The following THRB variants were observed in gnomAD, a reference collection of about 807,000 sequenced individuals.
THRB encodes the protein thyroid hormone receptor beta.
Under a neutral mutation model 47.8 loss-of-function variants are expected in THRB, and 12 were observed. The observed-to-expected ratio is 0.25, with a 90% confidence interval of 0.16 to 0.41. THRB has a LOEUF of 0.41. Ranked by LOEUF, THRB falls within the 10% of genes least tolerant of loss-of-function variation. The pLI is 1.00. For synonymous variants in THRB, 218 were observed against 212.2 expected (o/e 1.03, Z -0.24); for missense variants, 348 against 589.2 (o/e 0.59, Z 4.24).
chr3:24,472,429 G>A (rs549176794), intron 1 of THRB, among the ~76,000 whole-genome samples: 5 of 152,180 alleles, frequency 3.3e-5, no homozygotes, highest in African/African-American at 1.2e-4. Flanking sequence ...CCCCTAAGGC[G>A]TGAAGACTCA....
intron 1 of THRB, among the ~76,000 whole-genome samples, chr3:24,484,667 T>G (rs1428267315): frequency 6.6e-6 from 1 of 152,156 alleles, no homozygotes; most frequent in Non-Finnish European, 1.5e-5. Flanking sequence ...AAACAAAATT[T>G]TATTGGCACA....
intron 8 of THRB, among the ~76,000 whole-genome samples, chr3:24,141,541 A>G (rs1225719460): frequency 6.6e-6 from 1 of 152,152 alleles, no homozygotes; most frequent in Non-Finnish European, 1.5e-5. Flanking sequence ...ATCTCTTATT[A>G]TCTGCCTCCC....
rs1234093295 is a variant in THRB, at chr3:24,279,536, C to T, written c.-43+17690G>A. On this transcript the variant is annotated intron_variant, in intron 3 of 10. Coordinates refer to ENST00000646209, the MANE Select transcript of THRB (RefSeq NM_001354712.2). The stretch of plus-strand genomic sequence containing the variant: ...AGTAGCTGGGACTACAGGCGCCCGC[C>T]ACCACGGCTGGCTAATTTTTTTGTA... Among the ~76,000 whole-genome samples the T allele has an allele frequency of 2.9e-4, 43 of 150,588 alleles. No individual in the cohort carries two copies. The Admixed American group carries it at 2.9e-3, about 10-fold the overall frequency.
chr3:24,143,376 G>A (rs2035683638), intron 8 of THRB, 125 bp downstream of exon 8: 1 of 979,800 alleles, frequency 1.0e-6, no homozygotes. Flanking sequence ...GCCTCTCAGA[G>A]CTACGGTTTC....
intron 6 of THRB, among the ~76,000 whole-genome samples, chr3:24,147,535 T>G (rs1471297410): frequency 6.6e-6 from 1 of 152,236 alleles, no homozygotes; most frequent in Non-Finnish European, 1.5e-5. Context: ...GGTTCAATGA[T>G]TCTTCCTTTC....
chr3:24,320,706 T>G (rs935521850), intron 2 of THRB, among the ~76,000 whole-genome samples: 30 of 152,042 alleles, frequency 2.0e-4, no homozygotes, highest in African/African-American at 7.3e-4. Context: ...TTAGTCAACA[T>G]TTGACAAAAA....
At chr3:24,337,938 C>T (rs1266925568) in intron 1 of THRB, among the ~76,000 whole-genome samples, 2 of 152,206 alleles carry the variant, frequency 1.3e-5, no homozygotes, top group Non-Finnish European at 2.9e-5. Flanking sequence ...GTGAACACTT[C>T]TCCCAGGTAC....
intron 2 of THRB, among the ~76,000 whole-genome samples, chr3:24,307,811 A>C (rs958632098): frequency 3.9e-5 from 6 of 152,206 alleles, no homozygotes; most frequent in African/African-American, 1.4e-4. Flanking sequence ...GTCCATACTC[A>C]AAGATTTCTG....
chr3:24,246,473 A>G (rs921511191), intron 3 of THRB, among the ~76,000 whole-genome samples: 5 of 152,244 alleles, frequency 3.3e-5, no homozygotes, highest in African/African-American at 9.6e-5. Flanking sequence ...GATTTCTTAT[A>G]TAATAGTTGG....
At chr3:24,195,182 G>C (rs1399364181) in intron 4 of THRB, among the ~76,000 whole-genome samples, 1 of 152,132 alleles carries the variant, frequency 6.6e-6, no homozygotes, top group African/African-American at 2.4e-5. Context: ...TTAGAATCGT[G>C]CAGGACAGGA....
intron 3 of THRB, among the ~76,000 whole-genome samples, chr3:24,263,779 A>G (rs1397904004): frequency 6.6e-6 from 1 of 152,158 alleles, no homozygotes; most frequent in East Asian, 1.9e-4. Context: ...TTTCATTCAT[A>G]AATTAAAGAT....
chr3:24,404,812 T>G (rs1339838462), intron 1 of THRB, among the ~76,000 whole-genome samples: 3 of 151,866 alleles, frequency 2.0e-5, no homozygotes, highest in Non-Finnish European at 1.5e-5. Context: ...GATCAAATAA[T>G]TTGAGGACTG....
intron 2 of THRB, among the ~76,000 whole-genome samples, chr3:24,327,222 T>C (rs1238290167): frequency 6.6e-6 from 1 of 152,194 alleles, no homozygotes; most frequent in Admixed American, 6.5e-5. Flanking sequence ...CATTTTTTGA[T>C]GAACTATTTT....
chr3:24,405,124 T>A (rs2067716870), intron 1 of THRB, among the ~76,000 whole-genome samples: 1 of 152,010 alleles, frequency 6.6e-6, no homozygotes, highest in Non-Finnish European at 1.5e-5. Flanking sequence ...TTTTCTTTTA[T>A]TTATTCACTT....
At chr3:24,260,039 T>A (rs77580412) in intron 3 of THRB, among the ~76,000 whole-genome samples, 1,551 of 152,274 alleles carry the variant, frequency 0.01, 26 homozygotes, top group African/African-American at 0.035. Context: ...CCCATACCTT[T>A]CAGCTGTCAC....
chr3:24,335,666 C>T (rs551606591), intron 2 of THRB, among the ~76,000 whole-genome samples: 190 of 152,308 alleles, frequency 1.2e-3, no homozygotes, highest in South Asian at 7.1e-3. Flanking sequence ...ATCCTCTCTT[C>T]TCCCCAAGGT....
chr3:24,459,280 C>A (rs968704224), intron 1 of THRB: 1 of 152,184 alleles, frequency 6.6e-6, no homozygotes, highest in African/African-American at 2.4e-5. Flanking sequence ...CATGTCCCTG[C>A]AAAGGACATG....
chr3:24,266,496 G>A (rs1266524698), intron 3 of THRB, among the ~76,000 whole-genome samples: 1 of 152,164 alleles, frequency 6.6e-6, no homozygotes, highest in Admixed American at 6.5e-5. Context: ...AAACACCTTA[G>A]AAAACAGGAG....
intron 7 of THRB, chr3:24,144,291 A>T (rs527635841): frequency 6.1e-6 from 1 of 163,888 alleles, no homozygotes; most frequent in South Asian, 1.6e-4. Flanking sequence ...CCTGGGCCTC[A>T]AGGTACTCAC....
Sources: allele counts gnomAD v4.1 joint callset (sites outside exome capture counted in the v4.1 genomes callset), GRCh38; gene constraint gnomAD v4.1.1; transcripts MANE v1.5; gene names NCBI Gene and HGNC (gene_info 2026-07-23, HGNC 2026-07-21).